Variants in NNMT observed in about 807,000 individuals in gnomAD.
The protein encoded by NNMT is nicotinamide N-methyltransferase.
NNMT carries 10 observed loss-of-function variants against 11.7 expected under a neutral mutation model. That is an observed-to-expected ratio of 0.85 (90% CI 0.53 to 1.45). The LOEUF (loss-of-function observed/expected upper bound fraction) is 1.45, where lower values mean the gene tolerates loss of function less well. Among genes scored for constraint, NNMT ranks in the 40% most tolerant of loss-of-function variants. The probability of loss-of-function intolerance (pLI) is 0.00; values close to 1 mark genes in which losing one functional copy is unlikely to be tolerated. For missense variants in NNMT, 381 were observed against 319.4 expected (o/e 1.19, Z -1.47); for synonymous variants, 143 against 133.8 (o/e 1.07, Z -0.48).
At chr11:114,267,882 C>T (rs759869793) in intron 2 of NNMT, among the ~76,000 whole-genome samples, 5 of 152,162 alleles carry the variant, frequency 3.3e-5, no homozygotes, top group African/African-American at 4.8e-5. Flanking sequence ...AGTCTGTATT[C>T]AGATTTTCCT....
At chr11:114,296,755 A>G in intron 1 of NNMT, 45 bp downstream of exon 1, 1 of 1,591,510 alleles carries the variant, frequency 6.3e-7, no homozygotes, top group Non-Finnish European at 8.6e-7. Context: ...TGAGTCATAT[A>G]GATGGAGTCT....
intron 2 of NNMT, 190 bp downstream of exon 2, chr11:114,298,348 G>T (rs531758574): frequency 1.2e-4 from 71 of 580,062 alleles, no homozygotes; most frequent in Non-Finnish European, 2.1e-4. Flanking sequence ...GCACGTGCAT[G>T]TGTGCACCAG....
chr11:114,303,053 T>C (rs1945453613), intron 2 of NNMT, among the ~76,000 whole-genome samples: 1 of 152,208 alleles, frequency 6.6e-6, no homozygotes, highest in African/African-American at 2.4e-5. Context: ...TGGTATTCTG[T>C]TACAGGAGCC....
At chr11:114,285,366 T>C (rs750577170) in intron 2 of NNMT, among the ~76,000 whole-genome samples, 14 of 152,138 alleles carry the variant, frequency 9.2e-5, no homozygotes, top group African/African-American at 1.4e-4. Context: ...GACGCCCTTA[T>C]GGTCTGCAGC....
At chr11:114,302,571 G>A (rs1269566067) in intron 2 of NNMT, among the ~76,000 whole-genome samples, 2 of 151,664 alleles carry the variant, frequency 1.3e-5, no homozygotes, top group African/African-American at 2.4e-5. Flanking sequence ...TATTTTTATT[G>A]TCTTATTTTT....
chr11:114,270,919 C>A (rs1461815225), intron 2 of NNMT, among the ~76,000 whole-genome samples: 2 of 152,176 alleles, frequency 1.3e-5, no homozygotes, highest in African/African-American at 4.8e-5. Context: ...GGATCAAAAG[C>A]ATGCACCACC....
chr11:114,268,275 G>A (rs2135245218), intron 2 of NNMT, among the ~76,000 whole-genome samples: 1 of 152,304 alleles, frequency 6.6e-6, no homozygotes, highest in Middle Eastern at 3.4e-3. Context: ...TCACAGATGA[G>A]CTAATTGTAC....
intron 2 of NNMT, among the ~76,000 whole-genome samples, chr11:114,276,734 A>G (rs2135252980): frequency 6.6e-6 from 1 of 152,276 alleles, no homozygotes; most frequent in Admixed American, 6.5e-5. Flanking sequence ...GCCATTTGTC[A>G]CCACACAACT....
chr11:114,283,076 G>T (rs897971904), intron 2 of NNMT, among the ~76,000 whole-genome samples: 9 of 152,186 alleles, frequency 5.9e-5, no homozygotes, highest in Admixed American at 1.3e-4. Flanking sequence ...GCTGATGGGG[G>T]TGTAGACTGG....
intron 2 of NNMT, among the ~76,000 whole-genome samples, chr11:114,274,694 G>A (rs1945201692): frequency 6.6e-6 from 1 of 152,204 alleles, no homozygotes; most frequent in Non-Finnish European, 1.5e-5. Flanking sequence ...AAAGTAGATG[G>A]CTAGAGACAA....
intron 2 of NNMT, among the ~76,000 whole-genome samples, chr11:114,285,056 C>T (rs576544514): frequency 2.6e-4 from 39 of 152,202 alleles, no homozygotes; most frequent in African/African-American, 8.9e-4. Flanking sequence ...CTGTGCCTGG[C>T]CCCAACATGT....
intron 2 of NNMT, among the ~76,000 whole-genome samples, chr11:114,288,670 C>G (rs1565723697): frequency 6.6e-6 from 1 of 152,112 alleles, no homozygotes; most frequent in Non-Finnish European, 1.5e-5. Flanking sequence ...GGGCAATTTA[C>G]TTTACATTTT....
chr11:114,312,014 A>G (rs1945553261), intron 2 of NNMT, 31 bp from the exon 3 acceptor site: 1 of 1,527,264 alleles, frequency 6.5e-7, no homozygotes, highest in Non-Finnish European at 8.8e-7. Flanking sequence ...ACTGGAGTGG[A>G]AAACAATGTC....
At chr11:114,300,907 C>T (rs775374910) in intron 2 of NNMT, among the ~76,000 whole-genome samples, 1 of 152,150 alleles carries the variant, frequency 6.6e-6, no homozygotes, top group Non-Finnish European at 1.5e-5. Context: ...CCCAATAATC[C>T]TTGTGTCAGT....
chr11:114,263,429 A>G (rs553117869), intron 2 of NNMT, among the ~76,000 whole-genome samples: 1 of 152,208 alleles, frequency 6.6e-6, no homozygotes, highest in East Asian at 1.9e-4. Context: ...CTGTGTGCTT[A>G]CTTAGCAGCT....
chr11:114,288,167 ATAG>A (rs1385361408), intron 2 of NNMT, among the ~76,000 whole-genome samples: 1 of 152,154 alleles, frequency 6.6e-6, no homozygotes, highest in Non-Finnish European at 1.5e-5. Flanking sequence ...TTATCTGCTA[ATAG>A]TAACAGTTTT....
chr11:114,281,015 G>A (rs1945257984), intron 2 of NNMT, among the ~76,000 whole-genome samples: 1 of 152,198 alleles, frequency 6.6e-6, no homozygotes, highest in African/African-American at 2.4e-5. Context: ...CACCACAGAA[G>A]CTGAGGCCCA....
chr11:114,283,548 T>C (rs1364158789), intron 2 of NNMT, among the ~76,000 whole-genome samples: 4 of 152,186 alleles, frequency 2.6e-5, no homozygotes, highest in Non-Finnish European at 2.9e-5. Context: ...ATGAGTGAAT[T>C]TCCTTCCACT....
chr11:114,282,196 C>T (rs193293504), intron 2 of NNMT, among the ~76,000 whole-genome samples: 5 of 152,272 alleles, frequency 3.3e-5, no homozygotes, highest in Admixed American at 1.3e-4. Flanking sequence ...TGCACTCCAG[C>T]CTGGGCCACA....
Sources: allele counts gnomAD v4.1 joint callset (sites outside exome capture counted in the v4.1 genomes callset), GRCh38; gene constraint gnomAD v4.1.1; transcripts MANE v1.5; gene names NCBI Gene and HGNC (gene_info 2026-07-23, HGNC 2026-07-21).